ZFR2: variants seen among roughly 807,000 people sequenced by gnomAD.
ZFR2 encodes zinc finger RNA binding protein 2, also known as zinc finger RNA-binding protein 2.
Under a neutral mutation model 105.7 loss-of-function variants are expected in ZFR2, and 104 were observed. The observed-to-expected ratio is 0.98, with a 90% CI of 0.84 to 1.16. The LOEUF (loss-of-function observed/expected upper bound fraction) is 1.16. Ranked by LOEUF, ZFR2 falls within the 50% of genes most tolerant of loss-of-function variation. The probability of loss-of-function intolerance (pLI) is 0.00; values close to 1 mark genes in which losing one functional copy is unlikely to be tolerated. For missense variants in ZFR2, 1,425 were observed against 1,355.5 expected (o/e 1.05, Z -0.80); for synonymous variants, 634 against 597.7 (o/e 1.06, Z -0.89).
intron 1 of ZFR2, among the ~76,000 whole-genome samples, chr19:3,848,486 G>T (rs1020068296): frequency 5.3e-5 from 8 of 151,818 alleles, no homozygotes; most frequent in East Asian, 1.9e-4. Flanking sequence ...CAAGATGGGA[G>T]GATCTCTTGA....
rs937735909 is a variant in ZFR2, at chr19:3,855,371, CACT to C, written c.53+13591_53+13593del. The C allele has an allele frequency of 2.1e-4, 257 of 1,231,576 alleles. No individual in the cohort carries two copies. In the African/African-American group the frequency reaches 3.7e-3, roughly 18 times the overall value. The allele number at this position is 1,231,576 out of a possible 1,614,324, so 76.3% of individuals were successfully genotyped here. On this transcript the variant is annotated intron_variant, in intron 1 of 18. Transcript: ENST00000262961. ...AAGATGATATTGCTTTTGCGGGTTG[CACT>C]ATGAGAAATTCTGTGTGTACAAAAT...
rs780295865 is a variant in ZFR2 at position 3,822,082 on chromosome 19, C to T, written c.1490G>A (p.Arg497Gln). 4 of 1,599,684 alleles carry T rather than the reference C, an allele frequency of 2.5e-6. No individual in the cohort carries two copies. The highest frequency in any genetic ancestry group is 3.4e-6 in the Non-Finnish European group (4 of 1,174,334). ...VRGRRHRLQYRKKVNPDLPIA... is the reference protein window; with the variant it reads ...VRGRRHRLQYQKKVNPDLPIA... ...CGGAGCTCCCCCTGCTGGACGCACCCGGTACTGCAGCCGGTGCCGCCGCCC... is the reference window on the plus strand; with the variant it reads ...CGGAGCTCCCCCTGCTGGACGCACCTGGTACTGCAGCCGGTGCCGCCGCCC... Residue 497 changes from arginine to glutamine, a missense_variant and splice_region_variant, in exon 9 of 19, where the codon CGG becomes CAG. By Grantham distance (43) the Arg-to-Gln change is conservative. Transcript: ENST00000262961.
intron 1 of ZFR2, among the ~76,000 whole-genome samples, chr19:3,849,348 C>T (rs753300937): frequency 8.5e-5 from 13 of 152,226 alleles, no homozygotes; most frequent in Admixed American, 4.6e-4. Flanking sequence ...ACAGTGGAGG[C>T]GGCTGGTTGG....
chr19:3,842,680 G>A (rs2038145642), intron 1 of ZFR2, among the ~76,000 whole-genome samples: 1 of 150,592 alleles, frequency 6.6e-6, no homozygotes, highest in Admixed American at 6.6e-5. Flanking sequence ...CTGGAGTGCA[G>A]GGGCATGATC....
chr19:3,868,908 TC>T lies in ZFR2; in HGVS notation c.53+56del, dbSNP rs1015542835. 205 of 1,218,840 alleles carry T rather than the reference TC, an allele frequency of 1.7e-4. 1 individual carries two copies. The African/African-American group carries it at 2.9e-3, about 17-fold the overall frequency. The allele number at this position is 1,218,840 out of a possible 1,614,324, so 75.5% of individuals were successfully genotyped here. A position where few individuals can be genotyped will look rare whatever the true frequency, so the allele number is the denominator to read the frequency against. On this transcript the variant is annotated intron_variant, in intron 1 of 18. Transcript: ENST00000262961. ...GCGGCGGGAGAAGGGGTAGGCGGGG[TC>T]CCGGCCAGGCTGCAGGGGCCGGGAC... is the stretch of plus-strand genomic sequence containing the variant.
At chr19:3,868,255 G>T (rs1568437236) in intron 1 of ZFR2, among the ~76,000 whole-genome samples, 1 of 150,556 alleles carries the variant, frequency 6.6e-6, no homozygotes. Flanking sequence ...CTCCTGCCCA[G>T]CCAGGAACCC....
At chr19:3,809,866 C>T (rs532647328) in intron 16 of ZFR2, among the ~76,000 whole-genome samples, 14 of 152,258 alleles carry the variant, frequency 9.2e-5, no homozygotes, top group Middle Eastern at 6.8e-3. Context: ...ATCGCTTGAG[C>T]CCAGGAGGCA....
At chr19:3,816,212 T>G (rs999284743) in intron 13 of ZFR2, among the ~76,000 whole-genome samples, 3 of 148,152 alleles carry the variant, frequency 2.0e-5, no homozygotes, top group African/African-American at 7.5e-5. Context: ...ACAAACTGGT[T>G]GGTTTCTAAC....
chr19:3,809,812 T>C (rs2037742070), intron 16 of ZFR2, among the ~76,000 whole-genome samples: 1 of 151,678 alleles, frequency 6.6e-6, no homozygotes, highest in Non-Finnish European at 1.5e-5. Flanking sequence ...GGCGTGGTGG[T>C]GCGTGCCTGT....
chr19:3,835,002 A>C lies in ZFR2; in HGVS notation c.54-19T>G. On this transcript the variant is annotated intron_variant, in intron 1 of 18. Transcript: ENST00000262961. ...CTGGGCGCTAGAACCACAAACACACACCAAAGCCCCACCAGGTTAGAGCGA... is the reference window on the plus strand; with the variant it reads ...CTGGGCGCTAGAACCACAAACACACCCCAAAGCCCCACCAGGTTAGAGCGA... 1 of 1,600,700 alleles carries C rather than the reference A, an allele frequency of 6.2e-7. No homozygotes were observed.
At chr19:3,821,266 A>G (rs1015278933) in intron 10 of ZFR2, 74 bp downstream of exon 10, 65 of 1,428,726 alleles carry the variant, frequency 4.5e-5, no homozygotes, top group Non-Finnish European at 5.8e-5. Context: ...AATCTGCAGC[A>G]GTGGGCGTCT....
At chr19:3,810,699 G>T in intron 16 of ZFR2, 51 bp downstream of exon 16, 1 of 1,490,602 alleles carries the variant, frequency 6.7e-7, no homozygotes, top group South Asian at 1.2e-5. Flanking sequence ...CAGGGCCATG[G>T]AGGCCCTTGG....
chr19:3,821,177 G>A (rs903423191), intron 10 of ZFR2, among the ~76,000 whole-genome samples, 163 bp downstream of exon 10: 1 of 152,012 alleles, frequency 6.6e-6, no homozygotes, highest in Non-Finnish European at 1.5e-5. Flanking sequence ...ACCCTCTCAC[G>A]CTCCCACACC....
intron 14 of ZFR2, among the ~76,000 whole-genome samples, chr19:3,812,262 T>C (rs1041625418): frequency 6.6e-6 from 1 of 152,092 alleles, no homozygotes; most frequent in Admixed American, 6.6e-5. Flanking sequence ...TTGTTTTTTT[T>C]ATAAATGGGG....
chr19:3,836,521 T>C (rs1422352691), intron 1 of ZFR2, among the ~76,000 whole-genome samples: 1 of 152,166 alleles, frequency 6.6e-6, no homozygotes. Flanking sequence ...GGGGTCTCAC[T>C]ATGTTGCCCA....
At chr19:3,808,737 T>A in intron 17 of ZFR2, 135 bp downstream of exon 17, 1 of 681,828 alleles carries the variant, frequency 1.5e-6, no homozygotes, top group Non-Finnish European at 2.4e-6. Flanking sequence ...AGCATGTGTG[T>A]GTTGTGGGCC....
rs147029625 is a variant in ZFR2 at position 3,842,310 on chromosome 19, G to A, written c.54-7327C>T. On this transcript the variant is annotated intron_variant, in intron 1 of 18. Coordinates refer to ENST00000262961, the MANE Select transcript of ZFR2 (RefSeq NM_015174.2). ...ATTACAGGCGTGAGTCACTGTGCCC[G>A]GCCAGAGTAACTCTACCATAGCAAC... 3.1e-3 allele frequency among the ~76,000 whole-genome samples: 472 copies of A among 152,112 alleles called. 4 individuals are homozygous for A. The highest frequency in any genetic ancestry group is 0.011 in the African/African-American group (451 of 41,502).
At chr19:3,808,191 G>A (rs1220922523) in intron 17 of ZFR2, among the ~76,000 whole-genome samples, 2 of 150,246 alleles carry the variant, frequency 1.3e-5, no homozygotes, top group East Asian at 2.0e-4. Context: ...GTGCATGCAC[G>A]TGCCTGTGTA....
intron 12 of ZFR2, among the ~76,000 whole-genome samples, chr19:3,818,731 C>T (rs1405063485): frequency 3.3e-5 from 5 of 152,208 alleles, no homozygotes; most frequent in African/African-American, 1.2e-4. Flanking sequence ...TTCCTTTTGC[C>T]AATGAGGAAA....
Sources: gnomAD v4.1 joint callset for allele counts (sites outside exome capture counted in the v4.1 genomes callset) on GRCh38, gnomAD v4.1.1 for gene constraint, MANE v1.5 for transcripts, NCBI Gene and HGNC (gene_info 2026-07-23, HGNC 2026-07-21) for gene names.